Variants in GLB1 observed in about 807,000 individuals in gnomAD.
GLB1 encodes beta-galactosidase.
In GLB1, 56 loss-of-function variants were observed where a neutral mutation model predicts 74.0. The observed-to-expected ratio is 0.76, with a 90% CI of 0.61 to 0.94. The LOEUF is 0.94. GLB1 is among the 40% of genes least tolerant of loss of function. The probability of loss-of-function intolerance (pLI) is 0.00; values close to 1 mark genes in which losing one functional copy is unlikely to be tolerated. For missense variants in GLB1, 787 were observed against 845.5 expected (o/e 0.93, Z 0.86); for synonymous variants, 323 against 323.6 (o/e 1.00, Z 0.02).
intron 4 of GLB1, among the ~76,000 whole-genome samples, chr3:33,067,571 A>G (rs905429047): frequency 3.3e-5 from 5 of 152,192 alleles, no homozygotes; most frequent in Non-Finnish European, 5.9e-5. Context: ...GTGAGTCACC[A>G]TGCCTGACTT....
intron 5 of GLB1, 104 bp from the exon 6 acceptor site, chr3:33,058,373 A>G: frequency 6.6e-7 from 1 of 1,521,472 alleles, no homozygotes; most frequent in South Asian, 1.2e-5. Context: ...TAAGATGACA[A>G]GGCTTAATGA....
At chr3:33,071,283 C>T (rs934661327) in intron 2 of GLB1, among the ~76,000 whole-genome samples, 1 of 152,198 alleles carries the variant, frequency 6.6e-6, no homozygotes, top group African/African-American at 2.4e-5. Context: ...GCCTTAGAAC[C>T]AGAATAATGA....
Position 33,093,754 on chromosome 3 carries a change from G to T in GLB1, c.75+3257C>A, listed in dbSNP as rs369965720. The T allele has an allele frequency of 1.9e-6, 3 of 1,613,582 alleles. No individual in the cohort carries two copies. The highest frequency in any genetic ancestry group is 2.2e-5 in the East Asian group (1 of 44,876). On this transcript the variant is annotated intron_variant, in intron 1 of 15. Coordinates refer to ENST00000307363, the MANE Select transcript of GLB1 (RefSeq NM_000404.4). This position sits in a 1 kb window ranked among gnomAD's most constrained non-coding sequence, Gnocchi z 6.0. ...AGGCTGCCCACGACCCTACCACTGC[G>T]CCAGGCCAAGAGCTGGTAGGCCTGC...
At chr3:32,992,025 C>G (rs752781937), downstream of GLB1, among the ~76,000 whole-genome samples, 2 of 152,266 alleles carry the variant, frequency 1.3e-5, no homozygotes, top group African/African-American at 2.4e-5. Flanking sequence ...TATGTTGGCA[C>G]TGGAAAGTTG....
chr3:33,063,728 G>C (rs1033103950), intron 5 of GLB1, among the ~76,000 whole-genome samples: 9 of 152,190 alleles, frequency 5.9e-5, no homozygotes, highest in African/African-American at 2.2e-4. Context: ...CAGCCATGCA[G>C]AGCAAAGACG....
Position 33,045,534 on chromosome 3 carries a change from G to A in GLB1, c.1068+586C>T, listed in dbSNP as rs185141373. The A allele has an allele frequency of 1.7e-3, 1,677 of 988,416 alleles. 2 individuals carry two copies. Among genetic ancestry groups the A allele is most frequent in the Admixed American group, 2.3e-3 (39 of 17,098 alleles). 61.2% of individuals were successfully genotyped at this position (988,416 alleles called of 1,614,324 possible). ...CTTCTTCTCTCTTGCAAATAAGGACGGAGTTATTTTCTAGTGAGAAATAAT... is the reference window on the plus strand; with the variant it reads ...CTTCTTCTCTCTTGCAAATAAGGACAGAGTTATTTTCTAGTGAGAAATAAT... On this transcript the variant is annotated intron_variant, in intron 10 of 15. Transcript: ENST00000307363.
intron 10 of GLB1, chr3:33,030,849 T>G: frequency 2.0e-6 from 2 of 984,352 alleles, no homozygotes; most frequent in Non-Finnish European, 2.4e-6. Context: ...AAATGGGTCT[T>G]AAGTTGATTT....
intron 1 of GLB1, chr3:33,094,061 G>A: frequency 6.2e-7 from 1 of 1,614,264 alleles, no homozygotes; most frequent in Non-Finnish European, 8.5e-7. Context: ...CAAGCTGCAA[G>A]CGAAGCAGCC....
intron 1 of GLB1, among the ~76,000 whole-genome samples, chr3:33,074,294 G>A (rs764011540): frequency 6.8e-6 from 1 of 146,742 alleles, no homozygotes; most frequent in Non-Finnish European, 1.5e-5. Flanking sequence ...AGGTGACAGA[G>A]CGAGACTCCG....
chr3:33,031,158 C>T (rs1179347163), intron 10 of GLB1, among the ~76,000 whole-genome samples: 3 of 152,178 alleles, frequency 2.0e-5, no homozygotes, highest in Non-Finnish European at 4.4e-5. Context: ...TTGCCCATCA[C>T]CACCTAATGT....
chr3:33,033,122 A>G (rs1261943225), intron 10 of GLB1, among the ~76,000 whole-genome samples: 1 of 152,194 alleles, frequency 6.6e-6, no homozygotes, highest in Non-Finnish European at 1.5e-5. Flanking sequence ...CCTTCACCCA[A>G]TGTGCTGACT....
intron 1 of GLB1, chr3:33,091,168 G>C: frequency 1.0e-6 from 1 of 985,440 alleles, no homozygotes; most frequent in Non-Finnish European, 1.2e-6. Context: ...AGTGAGTTTG[G>C]AAGGACAGTG....
intron 10 of GLB1, among the ~76,000 whole-genome samples, chr3:33,036,408 G>T (rs116680437): frequency 6.6e-6 from 1 of 152,196 alleles, no homozygotes; most frequent in Admixed American, 6.5e-5. Context: ...TAAAGCTTAT[G>T]TAAATATGTG....
intron 1 of GLB1, among the ~76,000 whole-genome samples, chr3:33,074,354 AAGGAAGGAAGGAAGG>A: frequency 1.0e-5 from 1 of 100,160 alleles, no homozygotes; most frequent in Non-Finnish European, 2.2e-5. Flanking sequence ...GGAAGGAAGG[AAGGAAGGAAGGAAGG>A]AAGGAAGGAA....
intron 15 of GLB1, among the ~76,000 whole-genome samples, chr3:33,009,719 G>C (rs1696943446): frequency 6.6e-6 from 1 of 152,148 alleles, no homozygotes; most frequent in Admixed American, 6.5e-5. Context: ...GTTAGTTTCA[G>C]AGCATATCCA....
At chr3:33,077,687 T>TG (rs1302125383) in intron 1 of GLB1, among the ~76,000 whole-genome samples, 1 of 151,962 alleles carries the variant, frequency 6.6e-6, no homozygotes, top group African/African-American at 2.4e-5. Context: ...ATATTACTTT[T>TG]TTTTTTTTAA....
intron 10 of GLB1, chr3:33,034,727 C>T (rs1032858801): frequency 2.4e-5 from 17 of 699,240 alleles, no homozygotes; most frequent in Admixed American, 1.1e-4. Flanking sequence ...GGTTGATGGG[C>T]AGTGGGTGTG....
chr3:32,969,364 T>C, the GLB1 span, among the ~76,000 whole-genome samples: 1 of 152,144 alleles, frequency 6.6e-6, no homozygotes, highest in Non-Finnish European at 1.5e-5. Flanking sequence ...AAAAAAGACT[T>C]TTAACCGCTG....
chr3:32,976,187 C>T, the GLB1 span, among the ~76,000 whole-genome samples: 5,064 of 152,300 alleles, frequency 0.033, 217 homozygotes, highest in East Asian at 0.17. Context: ...TAAGCTGATC[C>T]ATTCCCACAT....
Sources: allele counts gnomAD v4.1 joint callset (sites outside exome capture counted in the v4.1 genomes callset), GRCh38; gene constraint gnomAD v4.1.1; non-coding constraint Gnocchi (gnomAD v3.1); transcripts MANE v1.5; gene names NCBI Gene and HGNC (gene_info 2026-07-23, HGNC 2026-07-21).